DMBX1: variants seen among roughly 807,000 people sequenced by gnomAD.
DMBX1 encodes the protein diencephalon/mesencephalon homeobox protein 1.
Under a neutral mutation model 30.4 loss-of-function variants are expected in DMBX1, and 7 were observed. The observed-to-expected ratio is 0.23, with a 90% confidence interval of 0.13 to 0.43. DMBX1 has a LOEUF of 0.43. DMBX1 is among the 20% of genes least tolerant of loss of function. The probability of loss-of-function intolerance (pLI) is 1.00; values close to 1 mark genes in which losing one functional copy is unlikely to be tolerated. For missense variants in DMBX1, 460 were observed against 508.5 expected (o/e 0.90, Z 0.92); for synonymous variants, 222 against 214.2 (o/e 1.04, Z -0.32).
intron 2 of DMBX1, among the ~76,000 whole-genome samples, chr1:46,504,599 G>T (rs1666196286): frequency 6.8e-6 from 1 of 146,292 alleles, no homozygotes; most frequent in African/African-American, 2.6e-5. Context: ...CCAGTACCAT[G>T]CTGTTTTGGT....
chr1:46,507,107 C>A lies in DMBX1; in HGVS notation c.97C>A (p.His33Asn). ...LHQQAAQQAQ[H>N]APDYRPSVHA... is the part of the protein sequence containing the mutation. ...CCAGCAGGCAGCCCAGCAGGCCCAG[C>A]ATGCCCCCGACTACCGGCCTTCAGT... The change falls in exon 3 of 6, where the codon CAT becomes AAT. Residue 33 changes from histidine (H) to asparagine (N), a missense_variant. Around this residue, in one of 3 missense-constraint regions of DMBX1, gnomAD observed 124 missense variants for 144.0 expected, o/e 0.86. Coordinates refer to ENST00000360032, the MANE Select transcript of DMBX1 (RefSeq NM_172225.2). The A allele has an allele frequency of 6.2e-7, 1 of 1,614,256 alleles. No individual in the cohort carries two copies. The highest frequency in any genetic ancestry group is 8.5e-7 in the Non-Finnish European group (1 of 1,180,050).
At chr1:46,500,976 C>T (rs1221692236) in intron 2 of DMBX1, among the ~76,000 whole-genome samples, 2 of 152,234 alleles carry the variant, frequency 1.3e-5, no homozygotes, top group East Asian at 3.9e-4. Flanking sequence ...ATCATTGGGT[C>T]AAAGACGATG....
rs1665919812 is a variant in DMBX1, at chr1:46,491,047, TCCCGGGCAC to T, written c.-13+266_-13+274del. 6.6e-6 allele frequency among the ~76,000 whole-genome samples: 1 copy of T among 152,072 alleles called. No individual in the cohort carries two copies. The highest frequency in any genetic ancestry group is 2.4e-5 in the African/African-American group (1 of 41,418). ...AGGGGCCCTGATGGACTGTGCAGGG[TCCCGGGCAC>T]CACCGGCTGAACTTTCTGGCGGTCA... On this transcript the variant is annotated intron_variant, in intron 2 of 5. Transcript: ENST00000360032. The surrounding 1 kb of genome is among the most constrained non-coding windows in gnomAD (Gnocchi z 5.5).
In DMBX1 at chr1:46,493,550, A is replaced by G. The variant is rs1345220271; in HGVS notation, c.-13+2767A>G. On this transcript the variant is annotated intron_variant, in intron 2 of 5. Transcript: ENST00000360032. The surrounding 1 kb of genome is among the most constrained non-coding windows in gnomAD (Gnocchi z 4.1). The stretch of plus-strand genomic sequence containing the variant: ...TGGCCCCAACTGTTCTTCGGACTTT[A>G]GCCAGGTTTTTGCTGGCAAAGGGGA... Among the ~76,000 whole-genome samples, 1 of 152,234 alleles carries G rather than the reference A, an allele frequency of 6.6e-6. No homozygotes were observed. The highest frequency in any genetic ancestry group is 1.5e-5 in the Non-Finnish European group (1 of 68,040).
chr1:46,506,193 A>G (rs1000250656), intron 2 of DMBX1, among the ~76,000 whole-genome samples: 2 of 152,070 alleles, frequency 1.3e-5, no homozygotes, highest in Non-Finnish European at 2.9e-5. Context: ...AAGTAGCTGG[A>G]ATTACAGGCA....
chr1:46,509,743 A>G (rs1297973148), intron 3 of DMBX1, among the ~76,000 whole-genome samples: 1 of 152,004 alleles, frequency 6.6e-6, no homozygotes, highest in African/African-American at 2.4e-5. Flanking sequence ...GTTCTTGGGG[A>G]GGCAGCCACA....
intron 3 of DMBX1, among the ~76,000 whole-genome samples, chr1:46,509,533 C>T (rs1666311195): frequency 6.6e-6 from 1 of 152,140 alleles, no homozygotes; most frequent in East Asian, 1.9e-4. Flanking sequence ...CGGTTACTGT[C>T]TATCCTTCAG....
At chr1:46,490,228 G>C (rs1359579511) in intron 1 of DMBX1, among the ~76,000 whole-genome samples, 2 of 152,238 alleles carry the variant, frequency 1.3e-5, no homozygotes, top group Non-Finnish European at 2.9e-5. Flanking sequence ...AGAGAGAGCG[G>C]AGGGCAAGCC....
At chr1:46,507,816 C>G (rs1487590369) in intron 3 of DMBX1, among the ~76,000 whole-genome samples, 1 of 152,160 alleles carries the variant, frequency 6.6e-6, no homozygotes, top group African/African-American at 2.4e-5. Flanking sequence ...CTCTGAGCCT[C>G]AGTTTCTCCT....
chr1:46,494,024 C>A (rs1214346883), intron 2 of DMBX1, among the ~76,000 whole-genome samples: 1 of 152,246 alleles, frequency 6.6e-6, no homozygotes, highest in African/African-American at 2.4e-5. Context: ...CCTGGAGAGG[C>A]CAGGAACATC....
chr1:46,512,120 TC>T lies in DMBX1; in HGVS notation c.764del (p.Pro255ArgfsTer2). 1.9e-6 allele frequency: 3 copies of T among 1,613,808 alleles called. No individual in the cohort carries two copies. Among genetic ancestry groups the T allele is most frequent in the South Asian group, 1.1e-5 (1 of 91,072 alleles). On this transcript the variant is annotated frameshift_variant, in exon 6 of 6. Transcript: ENST00000360032. LOFTEE classifies it high-confidence loss of function. This position sits in a 1 kb window ranked among gnomAD's most constrained non-coding sequence, Gnocchi z 4.8. ...GGGCCCCTCCCACTCCTATTCCTCGTCCCCGCTGAGCCTCTTCCGTCTGCAG... is the reference window on the plus strand; with the variant it reads ...GGGCCCCTCCCACTCCTATTCCTCGTCCCGCTGAGCCTCTTCCGTCTGCAG... ...LLGPSHSYSS[S>X]PLSLFRLQEQ...
At chr1:46,503,126 C>G (rs1400740529) in intron 2 of DMBX1, among the ~76,000 whole-genome samples, 1 of 152,218 alleles carries the variant, frequency 6.6e-6, no homozygotes, top group Non-Finnish European at 1.5e-5. Context: ...TCTTGCTGTT[C>G]TACACACACA....
Position 46,491,538 on chromosome 1 carries a change from CTGTCTGTACCGCAAGGGT to C in DMBX1, c.-13+759_-13+776del, listed in dbSNP as rs1362970262. Among the ~76,000 whole-genome samples the C allele has an allele frequency of 1.3e-5, 2 of 152,144 alleles. No homozygotes were observed. The highest frequency in any genetic ancestry group is 2.9e-5 in the Non-Finnish European group (2 of 68,018). On this transcript the variant is annotated intron_variant, in intron 2 of 5. Coordinates refer to ENST00000360032, the MANE Select transcript of DMBX1 (RefSeq NM_172225.2). This position sits in a 1 kb window ranked among gnomAD's most constrained non-coding sequence, Gnocchi z 5.5. ...CTTGATGGACCTTGGAGGAAAGGGGCTGTCTGTACCGCAAGGGTTGTGTGCTCCACAGCCGAGGAAATT... is the reference window on the plus strand; with the variant it reads ...CTTGATGGACCTTGGAGGAAAGGGGCTGTGTGCTCCACAGCCGAGGAAATT...
rs1179655517 is a variant in DMBX1 at position 46,510,513 on chromosome 1, CA to C, written c.195del (p.Lys65AsnfsTer30). The C allele has an allele frequency of 6.2e-7, 1 of 1,614,138 alleles. No homozygotes were observed. Among genetic ancestry groups the C allele is most frequent in the Admixed American group, 1.7e-5 (1 of 60,018 alleles). On this transcript the variant is annotated frameshift_variant, in exon 4 of 6. Transcript: ENST00000360032. LOFTEE classifies it high-confidence loss of function. The surrounding 1 kb of genome is among the most constrained non-coding windows in gnomAD (Gnocchi z 4.1). Reference protein sequence around the residue: ...LEARYGSQHRKQRRSRTAFTA... With the variant: ...LEARYGSQHRXQRRSRTAFTA... ...AGGCCCGTTATGGTTCCCAGCACCGCAAACAACGTCGCAGCCGCACAGCGTT... is the reference window on the plus strand; with the variant it reads ...AGGCCCGTTATGGTTCCCAGCACCGCAACAACGTCGCAGCCGCACAGCGTT...
rs2148492863 is a variant in DMBX1 at position 46,512,856 on chromosome 1, TATAAATATAA to T, written c.*366_*375del. ...GTAAGTCTACGTGTGGAATGTGAGA[TATAAATATAA>T]ATATATAAAGCTATATTTTCAGGCT... On this transcript the variant is annotated 3_prime_UTR_variant, in exon 6 of 6. Transcript: ENST00000360032. The surrounding 1 kb of genome is among the most constrained non-coding windows in gnomAD (Gnocchi z 4.8). The T allele has an allele frequency of 4.6e-6, 1 of 219,742 alleles. No individual in the cohort carries two copies. The highest frequency in any genetic ancestry group is 9.0e-6 in the Non-Finnish European group (1 of 111,054). 13.6% of individuals were successfully genotyped at this position (219,742 alleles called of 1,614,324 possible).
At chr1:46,494,054 C>T (rs541071655) in intron 2 of DMBX1, among the ~76,000 whole-genome samples, 1 of 152,330 alleles carries the variant, frequency 6.6e-6, no homozygotes, top group Admixed American at 6.5e-5. Flanking sequence ...TAACCTATGC[C>T]CTGCTCCATC....
chr1:46,514,947 A>T lies in DMBX1; in HGVS notation c.*2453A>T, dbSNP rs1349360612. On this transcript the variant is annotated 3_prime_UTR_variant, in exon 6 of 6. Transcript: ENST00000360032. ...CAGCAGAGATGAGACTCAGTAGACCATGGGAAGGGGGTGGCTGGCTTCACG... is the reference window on the plus strand; with the variant it reads ...CAGCAGAGATGAGACTCAGTAGACCTTGGGAAGGGGGTGGCTGGCTTCACG... Among the ~76,000 whole-genome samples the T allele has an allele frequency of 6.6e-6, 1 of 152,162 alleles. No individual in the cohort carries two copies. Among genetic ancestry groups the T allele is most frequent in the Admixed American group, 6.5e-5 (1 of 15,276 alleles).
intron 3 of DMBX1, 97 bp downstream of exon 3, chr1:46,507,261 T>TGTTCTA: frequency 6.8e-7 from 1 of 1,471,634 alleles, no homozygotes; most frequent in Non-Finnish European, 9.1e-7. Context: ...TGGCCAAGCT[T>TGTTCTA]GTTCTAGGGG....
chr1:46,498,008 G>A (rs1557784987), intron 2 of DMBX1, among the ~76,000 whole-genome samples: 1 of 152,194 alleles, frequency 6.6e-6, no homozygotes, highest in Non-Finnish European at 1.5e-5. Flanking sequence ...GGCCCGGCCT[G>A]GGGCCAAGAG....
Sources: gnomAD v4.1 joint callset for allele counts (sites outside exome capture counted in the v4.1 genomes callset) on GRCh38, gnomAD v4.1.1 for gene constraint, gnomAD v4.1.1 regional missense constraint, Gnocchi (gnomAD v3.1) non-coding constraint, MANE v1.5 for transcripts, NCBI Gene and HGNC (gene_info 2026-07-23, HGNC 2026-07-21) for gene names.